The following MYRFL variants were observed in gnomAD, a reference collection of about 807,000 sequenced individuals.
MYRFL encodes myelin regulatory factor-like protein.
MYRFL carries 88 observed loss-of-function variants against 109.4 expected under a neutral mutation model. That is an observed-to-expected ratio of 0.80 (90% CI 0.68 to 0.96). The LOEUF (loss-of-function observed/expected upper bound fraction) is 0.96, where lower values mean the gene tolerates loss of function less well. MYRFL is among the 40% of genes least tolerant of loss of function. MYRFL has a pLI of 0.00. For missense variants in MYRFL, 957 were observed against 954.9 expected, an observed-to-expected ratio of 1.00 and a Z score of -0.03; for synonymous variants, 324 against 320.9, an observed-to-expected ratio of 1.01 and a Z score of -0.10.
At position 69,903,700 on chromosome 12, in the gene MYRFL, A is replaced by T; in HGVS notation, c.1239A>T (p.Gln413His). ...NDSDALWQRGQVPESIVCHGR... is the reference protein window; with the variant it reads ...NDSDALWQRGHVPESIVCHGR... The stretch of plus-strand genomic sequence containing the variant: ...GTGATGCATTGTGGCAGCGAGGACA[A>T]GTTCCAGAATCTATTGTCTGTCACG... Residue 413 changes from glutamine to histidine, a missense_variant, in exon 11 of 25, where the codon CAA becomes CAT. Gln to His is a conservative substitution (Grantham distance 24). Transcript: ENST00000552032. 1 of 1,535,842 alleles carries T rather than the reference A, an allele frequency of 6.5e-7. No homozygotes were observed.
At chr12:69,882,216 C>T (rs575679386) in intron 5 of MYRFL, among the ~76,000 whole-genome samples, 1 of 152,078 alleles carries the variant, frequency 6.6e-6, no homozygotes, top group African/African-American at 2.4e-5. Context: ...AAGTCCTATT[C>T]ACAGGTCACT....
At chr12:69,873,360 A>T (rs1415259704) in intron 2 of MYRFL, among the ~76,000 whole-genome samples, 6 of 152,206 alleles carry the variant, frequency 3.9e-5, no homozygotes. Flanking sequence ...GGGTTGGACA[A>T]GCTTGCAGTA....
chr12:69,847,353 G>A (rs983513252), intron 1 of MYRFL, among the ~76,000 whole-genome samples: 1 of 152,178 alleles, frequency 6.6e-6, no homozygotes, highest in Non-Finnish European at 1.5e-5. Context: ...GTCCTTGCTA[G>A]TGAAGACATT....
At chr12:69,831,536 G>A (rs1393927982) in intron 1 of MYRFL, among the ~76,000 whole-genome samples, 5 of 152,086 alleles carry the variant, frequency 3.3e-5, no homozygotes, top group Admixed American at 3.3e-4. Flanking sequence ...ACTACCTGTG[G>A]GACTATGGAT....
intron 9 of MYRFL, among the ~76,000 whole-genome samples, chr12:69,896,117 T>A (rs376279624): frequency 7.2e-5 from 11 of 152,264 alleles, no homozygotes; most frequent in African/African-American, 2.6e-4. Context: ...AGAATTGAAT[T>A]TGACTATTTG....
intron 1 of MYRFL, among the ~76,000 whole-genome samples, chr12:69,828,663 C>T (rs1882435377): frequency 6.6e-6 from 1 of 152,066 alleles, no homozygotes; most frequent in African/African-American, 2.4e-5. Flanking sequence ...GTGCCAAGCG[C>T]CGTGCTATTT....
intron 6 of MYRFL, among the ~76,000 whole-genome samples, chr12:69,887,940 T>C (rs1267643644): frequency 1.3e-5 from 2 of 152,186 alleles, no homozygotes; most frequent in Non-Finnish European, 1.5e-5. Context: ...TGGCCTTCCT[T>C]AGATTATCTT....
intron 5 of MYRFL, among the ~76,000 whole-genome samples, chr12:69,884,085 A>G (rs559437081): frequency 1.1e-4 from 16 of 152,316 alleles, no homozygotes; most frequent in Admixed American, 5.9e-4. Flanking sequence ...ATCATTTTGT[A>G]AAGTATAAAA....
At chr12:69,951,780 C>G (rs1046862945) in intron 19 of MYRFL, among the ~76,000 whole-genome samples, 1 of 152,166 alleles carries the variant, frequency 6.6e-6, no homozygotes, top group African/African-American at 2.4e-5. Flanking sequence ...AGAACCCACC[C>G]TGACAGCCTA....
At chr12:69,893,615 A>C (rs1343663044) in intron 7 of MYRFL, 149 bp from the exon 8 acceptor site, 1 of 323,350 alleles carries the variant, frequency 3.1e-6, no homozygotes. Flanking sequence ...GGTAGGGACT[A>C]TTGTCTTATG....
intron 1 of MYRFL, among the ~76,000 whole-genome samples, chr12:69,836,436 G>T (rs1882947042): frequency 6.6e-6 from 1 of 152,116 alleles, no homozygotes; most frequent in Non-Finnish European, 1.5e-5. Flanking sequence ...CAGCACTCCC[G>T]CATCAGTCCT....
At chr12:69,937,462 A>AAGAC (rs1044400583) in intron 19 of MYRFL, among the ~76,000 whole-genome samples, 2 of 152,224 alleles carry the variant, frequency 1.3e-5, no homozygotes, top group African/African-American at 4.8e-5. Flanking sequence ...TGTGAATCAA[A>AAGAC]AGACAGTTCT....
chr12:69,936,067 T>TGCC, intron 16 of MYRFL, 46 bp from the exon 17 acceptor site: 1 of 1,486,910 alleles, frequency 6.7e-7, no homozygotes. Context: ...GAAACAAATC[T>TGCC]GCCACATAAT....
rs1555249414 is a variant in MYRFL at position 69,891,678 on chromosome 12, T to TTTCTTTCTTTCG, written c.903+519_903+520insTTTCGTTCTTTC. ...CTTTCTTTCTTTCTTTCTTTCTTTC[T>TTTCTTTCTTTCG]TTCTTTCGTTCGTTCGTTCTTTCTT... On this transcript the variant is annotated intron_variant, in intron 7 of 24. Transcript: ENST00000552032. Among the ~76,000 whole-genome samples, 57 of 112,540 alleles carry TTTCTTTCTTTCG rather than the reference T, an allele frequency of 5.1e-4. 1 individual carries two copies. Among genetic ancestry groups the TTTCTTTCTTTCG allele is most frequent in the African/African-American group, 2.3e-3 (56 of 24,510 alleles). 73.8% of individuals were successfully genotyped at this position (112,540 alleles called of 152,430 possible). A position where few individuals can be genotyped will look rare whatever the true frequency, so the allele number is the denominator to read the frequency against.
At chr12:69,939,722 G>C (rs1351539208) in intron 19 of MYRFL, among the ~76,000 whole-genome samples, 3 of 151,992 alleles carry the variant, frequency 2.0e-5, no homozygotes, top group Non-Finnish European at 4.4e-5. Flanking sequence ...AGAGAAGAAG[G>C]CTTCAGACGA....
chr12:69,948,480 A>G (rs1955891593), intron 19 of MYRFL, among the ~76,000 whole-genome samples: 1 of 152,190 alleles, frequency 6.6e-6, no homozygotes, highest in Non-Finnish European at 1.5e-5. Context: ...TTTTCTGCAA[A>G]TTCAGCAGGC....
At chr12:69,932,862 C>CGTGTGT (rs3970822) in intron 16 of MYRFL, among the ~76,000 whole-genome samples, 27,257 of 149,356 alleles carry the variant, frequency 0.18, 2,915 homozygotes, top group East Asian at 0.47. Flanking sequence ...CTGTGCCTTT[C>CGTGTGT]GTGTGTGTGT....
At chr12:69,838,663 A>G (rs1251879807) in intron 1 of MYRFL, among the ~76,000 whole-genome samples, 4 of 152,236 alleles carry the variant, frequency 2.6e-5, no homozygotes, top group East Asian at 1.9e-4. Context: ...GAAAAAATGT[A>G]TGTAACATAA....
At chr12:69,874,352 A>AT (rs1399628131) in intron 2 of MYRFL, among the ~76,000 whole-genome samples, 2 of 152,008 alleles carry the variant, frequency 1.3e-5, no homozygotes, top group Non-Finnish European at 2.9e-5. Context: ...TAATTTTAAT[A>AT]TTTTTTGTAG....
Sources: gnomAD v4.1 joint callset for allele counts (sites outside exome capture counted in the v4.1 genomes callset) on GRCh38, gnomAD v4.1.1 for gene constraint, MANE v1.5 for transcripts, NCBI Gene and HGNC (gene_info 2026-07-23, HGNC 2026-07-21) for gene names.